ABLIM2: variants seen among roughly 807,000 people sequenced by gnomAD.
ABLIM2 encodes the protein actin-binding LIM protein 2.
In ABLIM2, 53 loss-of-function variants were observed where a neutral mutation model predicts 97.7. That is an observed-to-expected ratio of 0.54 (90% CI 0.44 to 0.68). ABLIM2 has a LOEUF of 0.68. ABLIM2 is among the 30% of genes least tolerant of loss of function. The pLI, the probability that ABLIM2 is intolerant of heterozygous loss-of-function variation, is 0.00. For missense variants in ABLIM2, 835 were observed against 867.2 expected (o/e 0.96, Z 0.47); for synonymous variants, 361 against 345.8 (o/e 1.04, Z -0.49).
intron 1 of ABLIM2, among the ~76,000 whole-genome samples, chr4:8,109,807 G>A (rs56389343): frequency 0.062 from 9,385 of 152,310 alleles, 393 homozygotes; most frequent in African/African-American, 0.11. Context: ...CCTGCCTCCG[G>A]TTTTGCAAAC....
At chr4:8,143,365 T>C (rs992337907) in intron 1 of ABLIM2, among the ~76,000 whole-genome samples, 2 of 152,146 alleles carry the variant, frequency 1.3e-5, no homozygotes, top group African/African-American at 2.4e-5. Flanking sequence ...AGCCAGGTGC[T>C]ATGGGAGGTA....
intron 9 of ABLIM2, among the ~76,000 whole-genome samples, chr4:8,039,682 C>T (rs972561791): frequency 6.6e-6 from 1 of 152,078 alleles, no homozygotes. Flanking sequence ...AATGGAAGAA[C>T]GTTGCTTTTA....
intron 6 of ABLIM2, among the ~76,000 whole-genome samples, chr4:8,073,263 T>C (rs1405410447): frequency 6.7e-6 from 1 of 150,334 alleles, no homozygotes; most frequent in African/African-American, 2.5e-5. Context: ...AGAGTCAGGA[T>C]AGAAATGGGG....
chr4:8,127,642 C>T lies in ABLIM2; in HGVS notation c.11-21005G>A, dbSNP rs1016256551. On this transcript the variant is annotated intron_variant, in intron 1 of 20. Coordinates refer to ENST00000447017, the MANE Select transcript of ABLIM2 (RefSeq NM_001130083.2). The surrounding 1 kb of genome is among the most constrained non-coding windows in gnomAD (Gnocchi z 7.3). ...TCTGCGTGGCTGGGCCTGGCACCCA[C>T]GGAGGATCGGGCAGGAGTGGACCGG... 118 of 1,287,638 alleles carry T rather than the reference C, an allele frequency of 9.2e-5. No individual in the cohort carries two copies. The highest frequency in any genetic ancestry group is 4.8e-4 in the South Asian group (39 of 80,904). The allele number at this position is 1,287,638 out of a possible 1,614,324, so 79.8% of individuals were successfully genotyped here.
intron 5 of ABLIM2, among the ~76,000 whole-genome samples, chr4:8,080,134 C>T (rs899412443): frequency 1.3e-5 from 2 of 152,232 alleles, no homozygotes; most frequent in Non-Finnish European, 2.9e-5. Flanking sequence ...AGTGTGACTG[C>T]ACATTTGTGG....
intron 16 of ABLIM2, among the ~76,000 whole-genome samples, chr4:8,000,728 G>A (rs1007105431): frequency 1.1e-4 from 16 of 152,220 alleles, no homozygotes; most frequent in East Asian, 5.8e-4. Flanking sequence ...GGGAAGATGC[G>A]GCCAATCACA....
In ABLIM2 at chr4:8,054,436, C is replaced by T. The variant is rs1014210226; in HGVS notation, c.764-190G>A. 3.9e-5 allele frequency among the ~76,000 whole-genome samples: 6 copies of T among 152,240 alleles called. No individual in the cohort carries two copies. Among genetic ancestry groups the T allele is most frequent in the Non-Finnish European group, 8.8e-5 (6 of 68,050 alleles). ...CAGGGGGTACCCAGATCACAGTCCC[C>T]GCCCCTCAGGGGCTCACAGCCCAGT... On this transcript the variant is annotated intron_variant, in intron 7 of 20. Transcript: ENST00000447017. This position sits in a 1 kb window ranked among gnomAD's most constrained non-coding sequence, Gnocchi z 4.9.
chr4:8,115,152 G>A (rs1578160554), intron 1 of ABLIM2, among the ~76,000 whole-genome samples: 1 of 152,296 alleles, frequency 6.6e-6, no homozygotes, highest in South Asian at 2.1e-4. Flanking sequence ...AACTGATTAT[G>A]GGAAAATACC....
intron 4 of ABLIM2, among the ~76,000 whole-genome samples, chr4:8,086,428 A>G (rs1350870666): frequency 5.3e-5 from 8 of 149,840 alleles, no homozygotes; most frequent in African/African-American, 1.5e-4. Flanking sequence ...GCTCACTGCA[A>G]TCTCTGCCTC....
chr4:8,090,318 G>C (rs1300416210), intron 3 of ABLIM2, among the ~76,000 whole-genome samples: 1 of 152,212 alleles, frequency 6.6e-6, no homozygotes, highest in Non-Finnish European at 1.5e-5. Context: ...CCTGGAACAA[G>C]CTACTCAGCC....
rs1466967957 is a variant in ABLIM2 at position 8,054,091 on chromosome 4, A to G, written c.822+97T>C. 2.1e-6 allele frequency: 3 copies of G among 1,418,756 alleles called. No individual in the cohort carries two copies. Among genetic ancestry groups the G allele is most frequent in the African/African-American group, 2.8e-5 (2 of 70,866 alleles). 87.9% of individuals were successfully genotyped at this position (1,418,756 alleles called of 1,614,324 possible). A position where few individuals can be genotyped will look rare whatever the true frequency, so the allele number is the denominator to read the frequency against. On this transcript the variant is annotated intron_variant, in intron 8 of 20. Coordinates refer to ENST00000447017, the MANE Select transcript of ABLIM2 (RefSeq NM_001130083.2). The surrounding 1 kb of genome is among the most constrained non-coding windows in gnomAD (Gnocchi z 4.9). ...ATCCTGCAGCCCGTGGGACTGGACAATGAGCCTGTAGAATCTGGTCAGTGT... is the reference window on the plus strand; with the variant it reads ...ATCCTGCAGCCCGTGGGACTGGACAGTGAGCCTGTAGAATCTGGTCAGTGT...
At position 8,005,631 on chromosome 4, in the gene ABLIM2, G is replaced by A. The variant is rs1187712713; in HGVS notation, c.1618+2428C>T. ...TGGATTCCTCAGGAGGCCGCAGACG[G>A]CAAGGCTCACCTGATCCAGGCACAG... On this transcript the variant is annotated intron_variant, in intron 16 of 20. Transcript: ENST00000447017. This position sits in a 1 kb window ranked among gnomAD's most constrained non-coding sequence, Gnocchi z 4.9. 6.6e-6 allele frequency among the ~76,000 whole-genome samples: 1 copy of A among 152,196 alleles called. No individual in the cohort carries two copies. Among genetic ancestry groups the A allele is most frequent in the Admixed American group, 6.5e-5 (1 of 15,282 alleles).
At chr4:8,070,690 G>A (rs1018742576) in intron 6 of ABLIM2, among the ~76,000 whole-genome samples, 39 of 152,232 alleles carry the variant, frequency 2.6e-4, no homozygotes, top group East Asian at 1.4e-3. Context: ...TGTCACCTGC[G>A]TCTCTGTGAA....
At chr4:8,027,440 CAG>C (rs1451708113) in intron 12 of ABLIM2, among the ~76,000 whole-genome samples, 1 of 152,222 alleles carries the variant, frequency 6.6e-6, no homozygotes, top group Non-Finnish European at 1.5e-5. Flanking sequence ...CACATGAAAT[CAG>C]AGGTGGTGAC....
rs1195244647 is a variant in ABLIM2 at position 8,082,331 on chromosome 4, G to C, written c.455-1529C>G. 6.6e-6 allele frequency among the ~76,000 whole-genome samples: 1 copy of C among 152,170 alleles called. No individual in the cohort carries two copies. Among genetic ancestry groups the C allele is most frequent in the Non-Finnish European group, 1.5e-5 (1 of 68,036 alleles). On this transcript the variant is annotated intron_variant, in intron 4 of 20. Transcript: ENST00000447017. The surrounding 1 kb of genome is among the most constrained non-coding windows in gnomAD (Gnocchi z 5.6). ...CGGGAGCCCCCATTTCCTCATCGTG[G>C]GGTGGGGTGATCACCTCCTCACTTG...
chr4:8,107,852 G>T (rs768804331), intron 1 of ABLIM2, among the ~76,000 whole-genome samples: 12 of 152,300 alleles, frequency 7.9e-5, no homozygotes, highest in Admixed American at 1.3e-4. Flanking sequence ...CTTAAAATCA[G>T]ATCATTATGC....
At position 8,087,890 on chromosome 4, in the gene ABLIM2, C is replaced by G. The variant is rs757818586; in HGVS notation, c.454+279G>C. On this transcript the variant is annotated intron_variant, in intron 4 of 20. Transcript: ENST00000447017. This position sits in a 1 kb window ranked among gnomAD's most constrained non-coding sequence, Gnocchi z 4.6. ...CCCTGGCTGCCTCCTCACATTTATTCACAGCGTTCACTGCAGCTGCTGCTG... is the reference window on the plus strand; with the variant it reads ...CCCTGGCTGCCTCCTCACATTTATTGACAGCGTTCACTGCAGCTGCTGCTG... Among the ~76,000 whole-genome samples the G allele has an allele frequency of 1.4e-4, 22 of 152,142 alleles. No homozygotes were observed. The highest frequency in any genetic ancestry group is 9.2e-4 in the Admixed American group (14 of 15,300).
chr4:8,038,310 C>T (rs1229903649), intron 9 of ABLIM2, among the ~76,000 whole-genome samples: 2 of 152,226 alleles, frequency 1.3e-5, no homozygotes, highest in Admixed American at 6.5e-5. Flanking sequence ...CTCTAAAGCC[C>T]ATGCTCCCCA....
intron 17 of ABLIM2, among the ~76,000 whole-genome samples, chr4:7,987,433 T>G (rs1483677576): frequency 6.6e-6 from 1 of 152,196 alleles, no homozygotes; most frequent in Admixed American, 6.5e-5. Context: ...AAGAACAATG[T>G]TTTGATACAT....
Sources: gnomAD v4.1 joint callset for allele counts (sites outside exome capture counted in the v4.1 genomes callset) on GRCh38, gnomAD v4.1.1 for gene constraint, Gnocchi (gnomAD v3.1) non-coding constraint, MANE v1.5 for transcripts, NCBI Gene and HGNC (gene_info 2026-07-23, HGNC 2026-07-21) for gene names.